Variants in NAALAD2 observed in about 807,000 individuals in gnomAD.
NAALAD2 encodes N-acetylated-alpha-linked acidic dipeptidase 2.
NAALAD2 carries 89 observed loss-of-function variants against 95.6 expected under a neutral mutation model. The ratio of observed to expected loss-of-function variants is 0.93; its 90% CI spans 0.78 to 1.11. The LOEUF is 1.11. Ranked by LOEUF, NAALAD2 falls within the 50% of genes least tolerant of loss-of-function variation. NAALAD2 has a pLI of 0.00. For synonymous variants in NAALAD2, 264 were observed against 294.4 expected (o/e 0.90, Z 1.06); for missense variants, 894 against 872.4 (o/e 1.02, Z -0.31).
intron 7 of NAALAD2, 155 bp downstream of exon 7, chr11:90,158,393 T>C: frequency 3.6e-6 from 2 of 553,624 alleles, no homozygotes; most frequent in South Asian, 5.0e-5. Context: ...TCTTTTTATT[T>C]CATAAAAGTA....
chr11:90,166,562 G>A (rs1312994879), intron 11 of NAALAD2, among the ~76,000 whole-genome samples: 4 of 152,190 alleles, frequency 2.6e-5, no homozygotes, highest in Non-Finnish European at 5.9e-5. Context: ...TTGGCTGGGC[G>A]CGGTGGCTCA....
chr11:90,161,948 G>T lies in NAALAD2; in HGVS notation c.990-1001G>T, dbSNP rs1952310879. On this transcript the variant is annotated intron_variant, in intron 8 of 18. Transcript: ENST00000534061. Reference sequence around the variant, plus strand: ...ATGAAAAAAAAAAAAACATCGATTAGTTTTCCTCTGAGGTACTTTTAGTTG... The same window carrying T: ...ATGAAAAAAAAAAAAACATCGATTATTTTTCCTCTGAGGTACTTTTAGTTG... Among the ~76,000 whole-genome samples the T allele has an allele frequency of 4.0e-5, 6 of 150,786 alleles. No homozygotes were observed. In the South Asian group the frequency reaches 1.3e-3, roughly 31 times the overall value.
rs9804632 is a variant in NAALAD2 at position 90,182,912 on chromosome 11, G to C, written c.1941-4G>C. On this transcript the variant is annotated splice_polypyrimidine_tract_variant and splice_region_variant and intron_variant, in intron 17 of 18. Coordinates refer to ENST00000534061, the MANE Select transcript of NAALAD2 (RefSeq NM_005467.4). ...TTATAATTATGTATATGTTCTTCTC[G>C]AAGTCCCATTGCAGTGAGAATGATG... is the stretch of plus-strand genomic sequence containing the variant. 0.37 allele frequency: 595,397 copies of C among 1,595,218 alleles called. 114,775 individuals carry two copies. The highest frequency in any genetic ancestry group is 0.56 in the Admixed American group (33,443 of 59,822).
chr11:90,186,467 T>C (rs1306029177), intron 18 of NAALAD2, among the ~76,000 whole-genome samples: 5 of 152,032 alleles, frequency 3.3e-5, no homozygotes, highest in African/African-American at 1.2e-4. Flanking sequence ...TTTGCTATTG[T>C]GAATAATGCC....
chr11:90,135,534 A>G (rs1183312632), intron 1 of NAALAD2, 25 bp from the exon 2 acceptor site: 2 of 1,533,088 alleles, frequency 1.3e-6, no homozygotes, highest in Non-Finnish European at 1.8e-6. Flanking sequence ...GTATGTGTGC[A>G]TGTTTGTGTA....
chr11:90,190,448 C>T (rs1317215330), intron 18 of NAALAD2, among the ~76,000 whole-genome samples: 1 of 152,162 alleles, frequency 6.6e-6, no homozygotes, highest in Non-Finnish European at 1.5e-5. Flanking sequence ...ACAACTTAGG[C>T]AATTTGCCAA....
intron 18 of NAALAD2, among the ~76,000 whole-genome samples, chr11:90,187,769 G>A (rs1302501879): frequency 6.6e-6 from 1 of 152,142 alleles, no homozygotes; most frequent in Non-Finnish European, 1.5e-5. Flanking sequence ...CAAGAATGGA[G>A]AGATTACCAA....
chr11:90,165,300 T>A (rs10734124), intron 11 of NAALAD2, among the ~76,000 whole-genome samples: 68,679 of 151,998 alleles, frequency 0.45, 16,576 homozygotes, highest in African/African-American at 0.62. Flanking sequence ...TGTGTCTTTA[T>A]AATAGAATGA....
At chr11:90,134,322 G>C (rs1337466730), upstream of NAALAD2, among the ~76,000 whole-genome samples, 6 of 152,160 alleles carry the variant, frequency 3.9e-5, no homozygotes, top group Non-Finnish European at 8.8e-5. Flanking sequence ...AGTCTGACGA[G>C]TGGGAAATTA....
intron 2 of NAALAD2, among the ~76,000 whole-genome samples, chr11:90,145,936 G>C (rs1379692661): frequency 1.3e-5 from 2 of 152,156 alleles, no homozygotes; most frequent in African/African-American, 2.4e-5. Flanking sequence ...CCATGTTGGA[G>C]TGTGGACTTT....
At chr11:90,178,336 C>T (rs1952863192) in intron 16 of NAALAD2, among the ~76,000 whole-genome samples, 1 of 152,174 alleles carries the variant, frequency 6.6e-6, no homozygotes, top group African/African-American at 2.4e-5. Context: ...TTACCACAAA[C>T]ATTGGGATGG....
upstream of NAALAD2, among the ~76,000 whole-genome samples, chr11:90,133,981 C>T (rs7946561): frequency 0.45 from 68,759 of 151,832 alleles, 16,633 homozygotes; most frequent in African/African-American, 0.62. Context: ...AGAGAGACCC[C>T]CTGGCTTCTT....
chr11:90,173,919 A>G lies in NAALAD2; in HGVS notation c.1502+4A>G. 1 of 1,588,562 alleles carries G rather than the reference A, an allele frequency of 6.3e-7. No individual in the cohort carries two copies. Among genetic ancestry groups the G allele is most frequent in the East Asian group, 2.2e-5 (1 of 44,488 alleles). On this transcript the variant is annotated splice_donor_region_variant and intron_variant, in intron 14 of 18. Transcript: ENST00000534061. ...CTGAAAATAAAAATTTGCCTAGGTA[A>G]GTTACTGATATGCACCTTTTCTACT...
chr11:90,135,503 A>G (rs1367198272), intron 1 of NAALAD2, 56 bp from the exon 2 acceptor site: 5 of 1,269,896 alleles, frequency 3.9e-6, no homozygotes, highest in Non-Finnish European at 4.4e-6. Context: ...TAGTTTTAAT[A>G]AAGTCAAAGT....
At chr11:90,143,484 C>A (rs1003265618) in intron 2 of NAALAD2, among the ~76,000 whole-genome samples, 3 of 152,034 alleles carry the variant, frequency 2.0e-5, no homozygotes, top group African/African-American at 7.2e-5. Flanking sequence ...TTATTTTTGT[C>A]TTTGATTTTC....
In NAALAD2 at chr11:90,149,023, C is replaced by T. The variant is rs1211644391; in HGVS notation, c.399C>T (p.Tyr133=). The T allele has an allele frequency of 1.2e-5, 20 of 1,602,192 alleles. No homozygotes were observed. The highest frequency in any genetic ancestry group is 1.6e-5 in the Non-Finnish European group (19 of 1,173,822). Residue 133 remains tyrosine (Y), a synonymous_variant, in exon 4 of 19, where the codon TAC becomes TAT. Transcript: ENST00000534061. The part of the protein sequence containing the change: ...EHETEIFKTS[Y]LEPPPDGYEN... The stretch of plus-strand genomic sequence containing the variant: ...CTTGCTAGATTTTCAAAACATCATA[C>T]CTTGAACCACCACCAGATGGCTATG...
chr11:90,163,055 A>G (rs770533922), intron 9 of NAALAD2, 21 bp downstream of exon 9: 1 of 1,500,808 alleles, frequency 6.7e-7, no homozygotes, highest in Non-Finnish European at 9.1e-7. Context: ...TAATTTTTTA[A>G]AACATTTTGT....
chr11:90,181,800 C>A, intron 17 of NAALAD2, 99 bp downstream of exon 17: 1 of 753,642 alleles, frequency 1.3e-6, no homozygotes, highest in Non-Finnish European at 2.2e-6. Flanking sequence ...CTCTAAATCA[C>A]TACTATTCAA....
chr11:90,138,049 T>TC (rs1018569739), intron 2 of NAALAD2, among the ~76,000 whole-genome samples: 9 of 151,966 alleles, frequency 5.9e-5, no homozygotes, highest in African/African-American at 2.2e-4. Flanking sequence ...AACTTTTAAT[T>TC]CCCCCAAAAC....
Sources: gnomAD v4.1 joint callset for allele counts (sites outside exome capture counted in the v4.1 genomes callset) on GRCh38, gnomAD v4.1.1 for gene constraint, MANE v1.5 for transcripts, NCBI Gene and HGNC (gene_info 2026-07-23, HGNC 2026-07-21) for gene names.